The following MARCHF6 variants were observed in gnomAD, a reference collection of about 807,000 sequenced individuals.
The protein encoded by MARCHF6 is membrane associated ring-CH-type finger 6.
MARCHF6 carries 31 observed loss-of-function variants against 133.7 expected under a neutral mutation model. The observed-to-expected ratio is 0.23, with a 90% CI of 0.17 to 0.31. The LOEUF (loss-of-function observed/expected upper bound fraction) is 0.31. Among genes scored for constraint, MARCHF6 ranks in the 10% least tolerant of loss-of-function variants. The pLI is 1.00. For synonymous variants in MARCHF6, 395 were observed against 402.5 expected (o/e 0.98, Z 0.22); for missense variants, 723 against 1,121.6 (o/e 0.64, Z 5.08).
rs1440510258 is a variant in MARCHF6 at position 10,424,449 on chromosome 5, G to A, written c.2373+625G>A. On this transcript the variant is annotated intron_variant, in intron 23 of 25. Coordinates refer to ENST00000274140, the MANE Select transcript of MARCHF6 (RefSeq NM_005885.4). Reference sequence around the variant, plus strand: ...TGCTTCTAGGCAATAGAGGGAGGACGGAAAGTTTTCCTGCATCTATTCTTT... The same window carrying A: ...TGCTTCTAGGCAATAGAGGGAGGACAGAAAGTTTTCCTGCATCTATTCTTT... Among the ~76,000 whole-genome samples, 13 of 152,156 alleles carry A rather than the reference G, an allele frequency of 8.5e-5. No homozygotes were observed. In the East Asian group the frequency reaches 1.3e-3, roughly 16 times the overall value.
intron 22 of MARCHF6, among the ~76,000 whole-genome samples, chr5:10,421,378 G>A (rs562152398): frequency 5.3e-5 from 8 of 152,348 alleles, no homozygotes; most frequent in Admixed American, 2.6e-4. Flanking sequence ...GCTCCCAGAC[G>A]TGTTTCTGAG....
At chr5:10,407,886 G>A (rs1029305403) in intron 17 of MARCHF6, among the ~76,000 whole-genome samples, 5 of 151,640 alleles carry the variant, frequency 3.3e-5, no homozygotes, top group African/African-American at 1.2e-4. Context: ...AACCCAGGAG[G>A]CAGAGGTTGC....
At chr5:10,360,364 C>T (rs1035349518) in intron 1 of MARCHF6, among the ~76,000 whole-genome samples, 2 of 151,850 alleles carry the variant, frequency 1.3e-5, no homozygotes, top group African/African-American at 4.8e-5. Context: ...GGCTTGAACT[C>T]CTGACCTCAG....
At chr5:10,389,550 A>G (rs1465230623) in intron 5 of MARCHF6, among the ~76,000 whole-genome samples, 2 of 152,078 alleles carry the variant, frequency 1.3e-5, no homozygotes, top group Non-Finnish European at 2.9e-5. Flanking sequence ...TTATAGGTGC[A>G]CACCATCATG....
At chr5:10,401,591 C>G (rs776252779) in intron 11 of MARCHF6, 1 of 161,308 alleles carries the variant, frequency 6.2e-6, no homozygotes, top group Non-Finnish European at 1.3e-5. Flanking sequence ...AAAATTCTTT[C>G]TATAAGTTGA....
intron 1 of MARCHF6, among the ~76,000 whole-genome samples, chr5:10,364,008 A>G (rs527540490): frequency 1.3e-5 from 2 of 152,356 alleles, no homozygotes; most frequent in South Asian, 4.1e-4. Context: ...GGATGATGAT[A>G]ATGTTCTAAA....
intron 4 of MARCHF6, among the ~76,000 whole-genome samples, chr5:10,384,344 G>A (rs538379336): frequency 4.6e-5 from 7 of 151,772 alleles, no homozygotes; most frequent in African/African-American, 1.7e-4. Flanking sequence ...AAAATTGAAA[G>A]CCATGGAGTG....
Position 10,394,079 on chromosome 5 carries a change from C to A in MARCHF6, c.767-3C>A. The A allele has an allele frequency of 6.6e-7, 1 of 1,516,934 alleles. No homozygotes were observed. Among genetic ancestry groups the A allele is most frequent in the Non-Finnish European group, 8.9e-7 (1 of 1,125,214 alleles). 94.0% of individuals were successfully genotyped at this position (1,516,934 alleles called of 1,614,324 possible). On this transcript the variant is annotated splice_region_variant and splice_polypyrimidine_tract_variant and intron_variant, in intron 7 of 25. Transcript: ENST00000274140. ...AATCTTTAAATTGCAATTATATTTT[C>A]AGATGACATGAATTGGAATGCTTTA... is the stretch of plus-strand genomic sequence containing the variant.
At chr5:10,365,108 GCTT>G (rs1457586111) in intron 1 of MARCHF6, among the ~76,000 whole-genome samples, 3 of 151,782 alleles carry the variant, frequency 2.0e-5, no homozygotes, top group Admixed American at 6.6e-5. Flanking sequence ...CAGCCTCCCT[GCTT>G]CTTCTGATCT....
intron 12 of MARCHF6, 52 bp downstream of exon 12, chr5:10,402,191 G>A: frequency 4.8e-6 from 6 of 1,258,852 alleles, no homozygotes; most frequent in Non-Finnish European, 6.9e-6. Flanking sequence ...TCATACCAAA[G>A]AACTCTTCAT....
chr5:10,372,190 G>T (rs1215358879), intron 1 of MARCHF6, among the ~76,000 whole-genome samples: 1 of 151,858 alleles, frequency 6.6e-6, no homozygotes, highest in African/African-American at 2.4e-5. Context: ...TAATGGAGCA[G>T]AAAATTAATT....
In MARCHF6 at chr5:10,437,762, A is replaced by G. The variant is rs1451087746; in HGVS notation, c.*4078A>G. On this transcript the variant is annotated 3_prime_UTR_variant, in exon 26 of 26. Transcript: ENST00000274140. ...GTACCCAGACCAATTTTATGTATAT[A>G]TATTCTGAAATGCTCCCTTTTTAAT... is the stretch of plus-strand genomic sequence containing the variant. 2 of 152,232 alleles carry G rather than the reference A, an allele frequency of 1.3e-5. No individual in the cohort carries two copies. Among genetic ancestry groups the G allele is most frequent in the South Asian group, 2.1e-4 (1 of 4,838 alleles). The allele number at this position is 152,232 out of a possible 1,614,324, so 9.4% of individuals were successfully genotyped here. A position where few individuals can be genotyped will look rare whatever the true frequency, so the allele number is the denominator to read the frequency against.
At chr5:10,385,600 C>A (rs1737419522) in intron 4 of MARCHF6, among the ~76,000 whole-genome samples, 1 of 152,004 alleles carries the variant, frequency 6.6e-6, no homozygotes, top group Admixed American at 6.5e-5. Flanking sequence ...TAAAGAGATA[C>A]AAAAATAGTT....
At chr5:10,378,714 T>G (rs1302440193) in intron 2 of MARCHF6, 45 bp from the exon 3 acceptor site, 1 of 1,170,770 alleles carries the variant, frequency 8.5e-7, no homozygotes, top group Non-Finnish European at 1.3e-6. Flanking sequence ...CTGTAATGTT[T>G]CTTTGCTGTA....
chr5:10,409,060 A>G (rs965311765), intron 17 of MARCHF6, among the ~76,000 whole-genome samples: 9 of 152,056 alleles, frequency 5.9e-5, no homozygotes, highest in Admixed American at 2.0e-4. Flanking sequence ...GCCTCAAGCA[A>G]TCCTTCCACT....
intron 22 of MARCHF6, among the ~76,000 whole-genome samples, chr5:10,420,033 C>T (rs1298972515): frequency 3.4e-5 from 5 of 149,218 alleles, no homozygotes; most frequent in Non-Finnish European, 7.5e-5. Flanking sequence ...GATCACTTAA[C>T]AGTGTGAGAG....
At chr5:10,380,085 T>A (rs1737037041) in intron 3 of MARCHF6, among the ~76,000 whole-genome samples, 1 of 152,138 alleles carries the variant, frequency 6.6e-6, no homozygotes, top group Non-Finnish European at 1.5e-5. Context: ...TTATTAAATA[T>A]TTGAAGCATA....
At chr5:10,394,948 C>T (rs6862643) in intron 9 of MARCHF6, among the ~76,000 whole-genome samples, 163 bp downstream of exon 9, 8,019 of 152,022 alleles carry the variant, frequency 0.053, 716 homozygotes, top group African/African-American at 0.18. Context: ...TACAGGTGCC[C>T]GCCACCATGC....
chr5:10,425,065 C>T lies in MARCHF6; in HGVS notation c.2373+1241C>T, dbSNP rs776579930. Among the ~76,000 whole-genome samples the T allele has an allele frequency of 4.1e-4, 63 of 152,184 alleles. 1 individual carries two copies. Among genetic ancestry groups the T allele is most frequent in the Non-Finnish European group, 7.3e-5 (5 of 68,042 alleles). On this transcript the variant is annotated intron_variant, in intron 23 of 25. Coordinates refer to ENST00000274140, the MANE Select transcript of MARCHF6 (RefSeq NM_005885.4). The stretch of plus-strand genomic sequence containing the variant: ...CCAGTGCCACATAAGTAAGACATAA[C>T]AGTTCTGCAGCAGTAAAGTACACCT...
Sources: gnomAD v4.1 joint callset for allele counts (sites outside exome capture counted in the v4.1 genomes callset) on GRCh38, gnomAD v4.1.1 for gene constraint, MANE v1.5 for transcripts, NCBI Gene and HGNC (gene_info 2026-07-23, HGNC 2026-07-21) for gene names.